The following CCDC138 variants were observed in gnomAD, a reference collection of about 807,000 sequenced individuals.
CCDC138 encodes the protein coiled-coil domain-containing protein 138.
Under a neutral mutation model 82.3 loss-of-function variants are expected in CCDC138, and 66 were observed. The observed-to-expected ratio is 0.80, with a 90% confidence interval of 0.66 to 0.98. CCDC138 has a LOEUF of 0.98. Ranked by LOEUF, CCDC138 falls within the 50% of genes least tolerant of loss-of-function variation. The probability of loss-of-function intolerance (pLI) is 0.00; values close to 1 mark genes in which losing one functional copy is unlikely to be tolerated. For missense variants in CCDC138, 816 were observed against 758.9 expected, an observed-to-expected ratio of 1.08 and a Z score of -0.88; for synonymous variants, 297 against 265.4, an observed-to-expected ratio of 1.12 and a Z score of -1.16.
chr2:108,807,721 G>A (rs1385614455), intron 7 of CCDC138, among the ~76,000 whole-genome samples: 2 of 152,184 alleles, frequency 1.3e-5, no homozygotes, highest in South Asian at 2.1e-4. Flanking sequence ...GGACTCAAGC[G>A]ATTCTCCTGC....
At chr2:108,799,950 T>G (rs1681613434) in intron 6 of CCDC138, among the ~76,000 whole-genome samples, 1 of 152,084 alleles carries the variant, frequency 6.6e-6, no homozygotes, top group African/African-American at 2.4e-5. Flanking sequence ...AATTTCAAGT[T>G]GTTTAAAAAA....
chr2:108,867,098 C>T (rs377715874), intron 13 of CCDC138, among the ~76,000 whole-genome samples: 1 of 151,836 alleles, frequency 6.6e-6, no homozygotes, highest in Admixed American at 6.6e-5. Flanking sequence ...AGAACTGTTC[C>T]ACTAGCTTAG....
intron 4 of CCDC138, among the ~76,000 whole-genome samples, chr2:108,792,275 T>C (rs1381462291): frequency 5.3e-5 from 8 of 152,194 alleles, no homozygotes; most frequent in Admixed American, 3.3e-4. Flanking sequence ...GCTGGTATTA[T>C]GGTCTACACA....
chr2:108,821,415 A>G (rs7594575), intron 10 of CCDC138, among the ~76,000 whole-genome samples: 127,487 of 152,160 alleles, frequency 0.84, 53,485 homozygotes, highest in East Asian at 0.95. Flanking sequence ...AGCCATAATG[A>G]TGCAGAGTTA....
chr2:108,853,240 C>T (rs1458074303), intron 12 of CCDC138, among the ~76,000 whole-genome samples: 3 of 152,018 alleles, frequency 2.0e-5, no homozygotes, highest in Admixed American at 6.6e-5. Flanking sequence ...AGATTTATTC[C>T]CTGCAATAAC....
downstream of CCDC138, among the ~76,000 whole-genome samples, chr2:108,877,313 A>AC (rs397798996): frequency 6.6e-5 from 10 of 150,846 alleles, no homozygotes; most frequent in Admixed American, 1.3e-4. Context: ...ACAAAAAAAA[A>AC]CAGAATTAGC....
chr2:108,823,885 G>A (rs1686124568), intron 10 of CCDC138, among the ~76,000 whole-genome samples: 1 of 151,836 alleles, frequency 6.6e-6, no homozygotes, highest in Non-Finnish European at 1.5e-5. Flanking sequence ...GCTGAGGCAA[G>A]AGAATTGCTT....
chr2:108,811,247 C>CTCTTTTTTTT (rs760937756), intron 7 of CCDC138, among the ~76,000 whole-genome samples: 18 of 113,884 alleles, frequency 1.6e-4, no homozygotes, highest in South Asian at 8.9e-4. Context: ...TTCTCTCTCT[C>CTCTTTTTTTT]TTTTTTTTTT....
intron 5 of CCDC138, among the ~76,000 whole-genome samples, chr2:108,798,156 A>G (rs1198029310): frequency 6.6e-6 from 1 of 152,158 alleles, no homozygotes; most frequent in Admixed American, 6.5e-5. Context: ...ATCGGGAACT[A>G]AATCTGCATA....
At chr2:108,853,085 G>A (rs568609947) in intron 12 of CCDC138, among the ~76,000 whole-genome samples, 57 of 152,276 alleles carry the variant, frequency 3.7e-4, no homozygotes, top group African/African-American at 1.3e-3. Flanking sequence ...AAGTAAAAAT[G>A]TTCCAAGGTG....
chr2:108,885,036 T>C (rs1696390242), intron 2 of CCDC138: 1 of 152,236 alleles, frequency 6.6e-6, no homozygotes, highest in Admixed American at 6.5e-5. Context: ...TTGCAGAGAA[T>C]TAATACTGAG....
In CCDC138 at chr2:108,873,649, A is replaced by G. The variant is rs917586263; in HGVS notation, c.1832+60A>G. 9 of 1,191,854 alleles carry G rather than the reference A, an allele frequency of 7.6e-6. No individual in the cohort carries two copies. The East Asian group carries it at 2.3e-4, about 30-fold the overall frequency. 73.8% of individuals were successfully genotyped at this position (1,191,854 alleles called of 1,614,324 possible). A position where few individuals can be genotyped will look rare whatever the true frequency, so the allele number is the denominator to read the frequency against. On this transcript the variant is annotated intron_variant, in intron 14 of 14. Transcript: ENST00000295124. Reference sequence around the variant, plus strand: ...AAAATACCTTACTGTGATCATTTAAACCAGGGGTTTTAATCTTTTGGCTTC... The same window carrying G: ...AAAATACCTTACTGTGATCATTTAAGCCAGGGGTTTTAATCTTTTGGCTTC...
At chr2:108,840,792 T>C (rs1216819115) in intron 11 of CCDC138, among the ~76,000 whole-genome samples, 1 of 138,154 alleles carries the variant, frequency 7.2e-6, no homozygotes, top group Non-Finnish European at 1.5e-5. Flanking sequence ...TCATTTCTTT[T>C]TTTCTTTTTT....
chr2:108,813,868 G>A (rs1453898064), intron 9 of CCDC138, among the ~76,000 whole-genome samples: 2 of 152,142 alleles, frequency 1.3e-5, no homozygotes, highest in East Asian at 1.9e-4. Flanking sequence ...ATTGTATTGT[G>A]TGTACTTGTT....
intron 11 of CCDC138, among the ~76,000 whole-genome samples, chr2:108,840,812 CTTTTTATT>C (rs1689337881): frequency 1.4e-5 from 2 of 142,194 alleles, no homozygotes; most frequent in African/African-American, 5.6e-5. Context: ...TTCTTTTTTT[CTTTTTATT>C]TTTTTGAGAC....
intron 11 of CCDC138, among the ~76,000 whole-genome samples, chr2:108,842,664 G>A (rs1472314305): frequency 6.6e-6 from 1 of 152,180 alleles, no homozygotes; most frequent in East Asian, 1.9e-4. Context: ...GTGGTCATTA[G>A]GGAGGAGTTG....
chr2:108,860,799 G>GT (rs1189508287), intron 13 of CCDC138, among the ~76,000 whole-genome samples: 2 of 151,914 alleles, frequency 1.3e-5, no homozygotes, highest in Non-Finnish European at 2.9e-5. Context: ...TTTGGCATCA[G>GT]TATGATACTG....
At chr2:108,865,692 C>T (rs756814841) in intron 13 of CCDC138, among the ~76,000 whole-genome samples, 5 of 152,142 alleles carry the variant, frequency 3.3e-5, no homozygotes, top group Non-Finnish European at 2.9e-5. Context: ...GAGACTGAAG[C>T]CATTTCCTCA....
chr2:108,848,736 A>G (rs544197210), intron 12 of CCDC138, among the ~76,000 whole-genome samples: 56 of 152,332 alleles, frequency 3.7e-4, no homozygotes, highest in African/African-American at 1.3e-3. Context: ...CAACTTTAAA[A>G]CAATCCTAAT....
Sources: allele counts gnomAD v4.1 joint callset (sites outside exome capture counted in the v4.1 genomes callset), GRCh38; gene constraint gnomAD v4.1.1; transcripts MANE v1.5; gene names NCBI Gene and HGNC (gene_info 2026-07-23, HGNC 2026-07-21).